Variants in CLCA1 observed in about 807,000 individuals in gnomAD.
CLCA1 encodes chloride channel accessory 1, also known as calcium-activated chloride channel regulator 1.
Under a neutral mutation model 85.6 loss-of-function variants are expected in CLCA1, and 59 were observed. That is an observed-to-expected ratio of 0.69 (90% CI 0.56 to 0.86). The LOEUF (loss-of-function observed/expected upper bound fraction) is 0.86, where lower values mean the gene tolerates loss of function less well. Among genes scored for constraint, CLCA1 ranks in the 40% least tolerant of loss-of-function variants. CLCA1 has a pLI of 0.00. For synonymous variants in CLCA1, 396 were observed against 398.3 expected, an observed-to-expected ratio of 0.99 and a Z score of 0.07; for missense variants, 1,022 against 1,101.4, an observed-to-expected ratio of 0.93 and a Z score of 1.02.
At position 86,489,072 on chromosome 1, in the gene CLCA1, G is replaced by A. The variant is rs1648067966; in HGVS notation, c.1259G>A (p.Gly420Glu). The A allele has an allele frequency of 6.2e-7, 1 of 1,614,042 alleles. No homozygotes were observed. Among genetic ancestry groups the A allele is most frequent in the Non-Finnish European group, 8.5e-7 (1 of 1,179,984 alleles). Reference protein sequence around the residue: ...LTDGEDNTISGCFNEVKQSGA... With the variant: ...LTDGEDNTISECFNEVKQSGA... ...GATGGGGAAGACAACACTATAAGTG[G>A]GTGCTTTAACGAGGTCAAACAAAGT... is the stretch of plus-strand genomic sequence containing the variant. The change falls in exon 8 of 14, where the codon GGG becomes GAG. Residue 420 changes from glycine to glutamate, a missense_variant. Coordinates refer to ENST00000394711, the MANE Select transcript of CLCA1 (RefSeq NM_001285.4).
At chr1:86,473,121 T>C (rs1232461578) in intron 1 of CLCA1, among the ~76,000 whole-genome samples, 3 of 152,194 alleles carry the variant, frequency 2.0e-5, no homozygotes, top group Non-Finnish European at 2.9e-5. Flanking sequence ...ATTTTGTTAA[T>C]GGGAAAACTG....
At position 86,491,316 on chromosome 1, in the gene CLCA1, A is replaced by T; in HGVS notation, c.1409A>T (p.Asp470Val). Residue 470 changes from aspartate to valine, a missense_variant, in exon 9 of 14, where the codon GAT becomes GTT. By Grantham distance (152) the Asp-to-Val change is radical. Coordinates refer to ENST00000394711, the MANE Select transcript of CLCA1 (RefSeq NM_001285.4). ...SDQVQNNGLI[D>V]AFGALSSGNG... Reference sequence around the variant, plus strand: ...CAAGTTCAGAACAATGGCCTCATTGATGCTTTTGGGGCCCTTTCATCAGGA... The same window carrying T: ...CAAGTTCAGAACAATGGCCTCATTGTTGCTTTTGGGGCCCTTTCATCAGGA... 1 of 1,613,676 alleles carries T rather than the reference A, an allele frequency of 6.2e-7. No homozygotes were observed. The highest frequency in any genetic ancestry group is 8.5e-7 in the Non-Finnish European group (1 of 1,179,718).
At position 86,498,634 on chromosome 1, in the gene CLCA1, G is replaced by A; in HGVS notation, c.2176G>A (p.Val726Met). Residue 726 changes from valine (V) to methionine (M), a missense_variant, in exon 13 of 14, where the codon GTG (valine) becomes ATG (methionine). Val to Met is a conservative substitution (Grantham distance 21). Coordinates refer to ENST00000394711, the MANE Select transcript of CLCA1 (RefSeq NM_001285.4). ...INKDDVQHKQ[V>M]CFSRTSSGGS... is the part of the protein sequence containing the mutation. ...TAAGGATGATGTTCAACACAAGCAA[G>A]TGTGTTTCAGCAGAACATCCTCGGG... is the stretch of plus-strand genomic sequence containing the variant. 1.2e-6 allele frequency: 2 copies of A among 1,613,610 alleles called. No homozygotes were observed. Among genetic ancestry groups the A allele is most frequent in the Non-Finnish European group, 8.5e-7 (1 of 1,179,628 alleles).
intron 5 of CLCA1, 103 bp downstream of exon 5, chr1:86,482,485 G>A: frequency 1.8e-6 from 2 of 1,112,060 alleles, no homozygotes; most frequent in Middle Eastern, 2.1e-4. Flanking sequence ...GAAATCATCA[G>A]TGAGCAGTGG....
chr1:86,495,000 A>G (rs1477190627), intron 11 of CLCA1, among the ~76,000 whole-genome samples: 1 of 151,756 alleles, frequency 6.6e-6, no homozygotes, highest in Non-Finnish European at 1.5e-5. Flanking sequence ...GTCTTTAAGA[A>G]GTCTATCAGG....
intron 4 of CLCA1, among the ~76,000 whole-genome samples, chr1:86,481,137 T>G (rs1373230899): frequency 3.3e-5 from 5 of 152,046 alleles, no homozygotes; most frequent in African/African-American, 1.2e-4. Flanking sequence ...CATTTTGAAT[T>G]TTTTTTTCTT....
rs112452471 is a variant in CLCA1 at position 86,493,115 on chromosome 1, C to G, written c.1465-269C>G. ...ACAAATGTAAAGCCTTCTAGGAAAA[C>G]TAAAGAGTACGATAATAAAGTCAAA... is the stretch of plus-strand genomic sequence containing the variant. On this transcript the variant is annotated intron_variant, in intron 9 of 13. Transcript: ENST00000394711. 4.6e-3 allele frequency among the ~76,000 whole-genome samples: 704 copies of G among 152,158 alleles called. 4 individuals are homozygous for G. Among genetic ancestry groups the G allele is most frequent in the African/African-American group, 0.016 (658 of 41,492 alleles).
intron 5 of CLCA1, among the ~76,000 whole-genome samples, chr1:86,483,168 G>T (rs1477662979): frequency 2.0e-5 from 3 of 152,116 alleles, no homozygotes; most frequent in African/African-American, 7.2e-5. Context: ...CTTCAATTTG[G>T]CATTGCAGTC....
intron 6 of CLCA1, 28 bp downstream of exon 6, chr1:86,485,589 G>A: frequency 1.2e-6 from 2 of 1,600,142 alleles, no homozygotes; most frequent in Non-Finnish European, 1.7e-6. Flanking sequence ...TGGTCTTCTG[G>A]ATGCTGGTCA....
In CLCA1 at chr1:86,473,291, ATTT is replaced by A. The variant is rs972903351; in HGVS notation, c.163-125_163-123del. On this transcript the variant is annotated intron_variant, in intron 1 of 13. Transcript: ENST00000394711. ...TATTATTATTAAAAGGTATTTCTAT[ATTT>A]CTTCTTCCCATCTTAACAAATAACA... 7.9e-6 allele frequency: 5 copies of A among 630,540 alleles called. No individual in the cohort carries two copies. In the African/African-American group the frequency reaches 9.1e-5, roughly 12 times the overall value. 39.1% of individuals were successfully genotyped at this position (630,540 alleles called of 1,614,324 possible).
At position 86,499,888 on chromosome 1, in the gene CLCA1, C is replaced by A; in HGVS notation, c.2588C>A (p.Ser863Tyr). ...KSEISNIARVSLFIPPQTPPE... is the reference protein window; with the variant it reads ...KSEISNIARVYLFIPPQTPPE... Reference sequence around the variant, plus strand: ...GAAATATCCAACATTGCACGAGTATCTTTGTTTATTCCTCCACAGACTCCG... The same window carrying A: ...GAAATATCCAACATTGCACGAGTATATTTGTTTATTCCTCCACAGACTCCG... The change falls in exon 14 of 14, where the codon TCT (serine) becomes TAT (tyrosine). Residue 863 changes from serine to tyrosine, a missense_variant. Ser to Tyr is a moderately radical substitution (Grantham distance 144). Coordinates refer to ENST00000394711, the MANE Select transcript of CLCA1 (RefSeq NM_001285.4). 6.2e-7 allele frequency: 1 copy of A among 1,614,038 alleles called. No individual in the cohort carries two copies.
At chr1:86,473,237 A>G (rs539408006) in intron 1 of CLCA1, among the ~76,000 whole-genome samples, 180 bp from the exon 2 acceptor site, 1 of 152,358 alleles carries the variant, frequency 6.6e-6, no homozygotes, top group South Asian at 2.1e-4. Flanking sequence ...GTGACACAGA[A>G]TATTTGGTAA....
At position 86,473,414 on chromosome 1, in the gene CLCA1, C is replaced by T; in HGVS notation, c.163-3C>T. On this transcript the variant is annotated splice_polypyrimidine_tract_variant and splice_region_variant and intron_variant, in intron 1 of 13. Coordinates refer to ENST00000394711, the MANE Select transcript of CLCA1 (RefSeq NM_001285.4). ...GTTACGTATGTTTTCTTTTTCTTCCCAGGACATGGTGACCCAGGCATCTCT... is the reference window on the plus strand; with the variant it reads ...GTTACGTATGTTTTCTTTTTCTTCCTAGGACATGGTGACCCAGGCATCTCT... The T allele has an allele frequency of 1.3e-6, 2 of 1,545,758 alleles. No homozygotes were observed. Among genetic ancestry groups the T allele is most frequent in the South Asian group, 1.2e-5 (1 of 82,564 alleles).
chr1:86,495,012 A>G (rs1424998790), intron 11 of CLCA1, among the ~76,000 whole-genome samples: 1 of 149,826 alleles, frequency 6.7e-6, no homozygotes, highest in African/African-American at 2.5e-5. Context: ...TCTATCAGGG[A>G]GAGAGAGAAA....
chr1:86,486,443 C>A, intron 6 of CLCA1, 83 bp from the exon 7 acceptor site: 2 of 1,254,548 alleles, frequency 1.6e-6, no homozygotes, highest in African/African-American at 1.5e-5. Flanking sequence ...TTAAGGCAGC[C>A]ACTTCCAAAT....
At chr1:86,490,449 T>C (rs761738176) in intron 8 of CLCA1, among the ~76,000 whole-genome samples, 5 of 152,220 alleles carry the variant, frequency 3.3e-5, no homozygotes, top group Non-Finnish European at 7.3e-5. Context: ...AATCCTGTTT[T>C]TATAATATAC....
chr1:86,472,689 A>T (rs1192579886), intron 1 of CLCA1, among the ~76,000 whole-genome samples: 4 of 152,252 alleles, frequency 2.6e-5, no homozygotes, highest in Non-Finnish European at 5.9e-5. Context: ...ATTTGAAAAT[A>T]TATAATTATG....
intron 1 of CLCA1, among the ~76,000 whole-genome samples, chr1:86,469,362 A>G (rs981125836): frequency 5.3e-5 from 8 of 152,232 alleles, no homozygotes; most frequent in African/African-American, 1.9e-4. Flanking sequence ...ACTGTTGGCA[A>G]CTGATAAATG....
At chr1:86,496,830 A>G (rs928825203) in intron 12 of CLCA1, among the ~76,000 whole-genome samples, 1 of 152,138 alleles carries the variant, frequency 6.6e-6, no homozygotes, top group African/African-American at 2.4e-5. Flanking sequence ...CCCGGGTCCA[A>G]GTGATTCCCC....
Sources: allele counts gnomAD v4.1 joint callset (sites outside exome capture counted in the v4.1 genomes callset), GRCh38; gene constraint gnomAD v4.1.1; transcripts MANE v1.5; gene names NCBI Gene and HGNC (gene_info 2026-07-23, HGNC 2026-07-21).